KCND3: variants seen among roughly 807,000 people sequenced by gnomAD.
KCND3 encodes the protein potassium voltage-gated channel subfamily D member 3.
A neutral mutation model predicts 51.1 loss-of-function variants in KCND3; 9 were observed. That is an observed-to-expected ratio of 0.18 (90% CI 0.11 to 0.31). The LOEUF is 0.31. Ranked by LOEUF, KCND3 falls within the 10% of genes least tolerant of loss-of-function variation. The probability of loss-of-function intolerance (pLI) is 1.00; values close to 1 mark genes in which losing one functional copy is unlikely to be tolerated. For missense variants in KCND3, 526 were observed against 903.8 expected (o/e 0.58, Z 5.36); for synonymous variants, 349 against 368.0 (o/e 0.95, Z 0.59).
At position 111,851,054 on chromosome 1, in the gene KCND3, T is replaced by C. The variant is rs547090716; in HGVS notation, c.1107-63948A>G. On this transcript the variant is annotated intron_variant, in intron 2 of 7. Coordinates refer to ENST00000302127, the MANE Select transcript of KCND3 (RefSeq NM_001378969.1). ...CTTAGAATCATTCCCACTGACCTAA[T>C]AACCCCCACCCCTGCTACTTTTTAT... Among the ~76,000 whole-genome samples the C allele has an allele frequency of 2.0e-5, 3 of 152,264 alleles. No homozygotes were observed. In the East Asian group the frequency reaches 5.8e-4, roughly 29 times the overall value.
intron 2 of KCND3, among the ~76,000 whole-genome samples, chr1:111,799,956 G>C (rs1046522267): frequency 2.0e-5 from 3 of 152,118 alleles, no homozygotes; most frequent in South Asian, 2.1e-4. Flanking sequence ...CGCCCCGTCC[G>C]GGAGGTGAGG....
intron 2 of KCND3, among the ~76,000 whole-genome samples, chr1:111,831,523 C>A (rs372300814): frequency 2.0e-5 from 3 of 152,162 alleles, no homozygotes; most frequent in African/African-American, 7.2e-5. Flanking sequence ...GAACCATGAG[C>A]CAATTAAGCC....
chr1:111,786,749 G>A (rs1017913250), intron 3 of KCND3, among the ~76,000 whole-genome samples, 195 bp downstream of exon 3: 2 of 152,042 alleles, frequency 1.3e-5, no homozygotes, highest in African/African-American at 4.8e-5. Context: ...ATAATTGAGG[G>A]TTCAGTGCCT....
At chr1:111,897,436 G>A (rs1304434136) in intron 2 of KCND3, among the ~76,000 whole-genome samples, 3 of 152,336 alleles carry the variant, frequency 2.0e-5, no homozygotes, top group East Asian at 3.9e-4. Flanking sequence ...CTTCCTCCTT[G>A]CCGCCTCCGG....
At chr1:111,961,272 G>A (rs925082897) in intron 2 of KCND3, among the ~76,000 whole-genome samples, 1 of 152,242 alleles carries the variant, frequency 6.6e-6, no homozygotes, top group African/African-American at 2.4e-5. Context: ...GCTCTGAGCA[G>A]CTCTGTCACC....
At chr1:111,827,960 G>A (rs770426919) in intron 2 of KCND3, among the ~76,000 whole-genome samples, 11 of 152,280 alleles carry the variant, frequency 7.2e-5, no homozygotes, top group African/African-American at 1.2e-4. Context: ...CACTCTGAGC[G>A]CTGTTCCTGA....
chr1:111,956,313 C>T (rs879644594), intron 2 of KCND3, among the ~76,000 whole-genome samples: 5 of 152,160 alleles, frequency 3.3e-5, no homozygotes, highest in Non-Finnish European at 4.4e-5. Flanking sequence ...AGGGCATCAA[C>T]GTCATCAGTG....
intron 2 of KCND3, among the ~76,000 whole-genome samples, chr1:111,962,041 G>T (rs1461061820): frequency 6.6e-6 from 1 of 152,144 alleles, no homozygotes; most frequent in Non-Finnish European, 1.5e-5. Flanking sequence ...TCTGGCCATT[G>T]CCACCCAAGC....
Position 111,776,016 on chromosome 1 carries a change from C to T in KCND3, c.*61G>A, listed in dbSNP as rs1221178063. The T allele has an allele frequency of 6.4e-7, 1 of 1,558,450 alleles. No homozygotes were observed. Among genetic ancestry groups the T allele is most frequent in the Non-Finnish European group, 8.9e-7 (1 of 1,129,870 alleles). On this transcript the variant is annotated 3_prime_UTR_variant, in exon 8 of 8. Coordinates refer to ENST00000302127, the MANE Select transcript of KCND3 (RefSeq NM_001378969.1). ...GGGAGGGAGTGGTCTCAGTGACCAC[C>T]CACCAACATGCCAGTCCCCTTCATT...
At chr1:111,778,384 A>T in intron 6 of KCND3, 52 bp downstream of exon 6, 1 of 1,533,674 alleles carries the variant, frequency 6.5e-7, no homozygotes, top group African/African-American at 1.4e-5. Context: ...GAATCCACAG[A>T]CTCAGAATTA....
At chr1:111,968,056 T>C (rs1674103287) in intron 2 of KCND3, among the ~76,000 whole-genome samples, 2 of 152,102 alleles carry the variant, frequency 1.3e-5, no homozygotes, top group South Asian at 2.1e-4. Flanking sequence ...TGACCTTACA[T>C]GGAAATATTC....
chr1:111,814,463 T>A (rs905834714), intron 2 of KCND3, among the ~76,000 whole-genome samples: 1 of 152,188 alleles, frequency 6.6e-6, no homozygotes, highest in Non-Finnish European at 1.5e-5. Flanking sequence ...AAGACCTGGG[T>A]GTATCCTGAG....
chr1:111,970,950 C>A (rs1674294558), intron 2 of KCND3, among the ~76,000 whole-genome samples: 1 of 152,172 alleles, frequency 6.6e-6, no homozygotes, highest in Non-Finnish European at 1.5e-5. Flanking sequence ...CTAGAGGGGG[C>A]AGGTCACAGG....
chr1:111,867,410 T>C (rs1477669328), intron 2 of KCND3, among the ~76,000 whole-genome samples: 2 of 152,224 alleles, frequency 1.3e-5, no homozygotes, highest in Non-Finnish European at 2.9e-5. Context: ...TTGATTTCTA[T>C]AATCAACATG....
chr1:111,780,671 A>T lies in KCND3; in HGVS notation c.1371+19T>A. On this transcript the variant is annotated intron_variant, in intron 4 of 7. Coordinates refer to ENST00000302127, the MANE Select transcript of KCND3 (RefSeq NM_001378969.1). The surrounding 1 kb of genome is among the most constrained non-coding windows in gnomAD (Gnocchi z 4.2). The stretch of plus-strand genomic sequence containing the variant: ...TCTACCCCTTTATGTTCCCTAGCCC[A>T]GGTCCTCTAGGCACCTACCGTCAGC... The T allele has an allele frequency of 6.3e-7, 1 of 1,593,744 alleles. No homozygotes were observed. The highest frequency in any genetic ancestry group is 8.6e-7 in the Non-Finnish European group (1 of 1,167,708).
chr1:111,982,734 C>T lies in KCND3; in HGVS notation c.-8G>A. 3 of 1,601,094 alleles carry T rather than the reference C, an allele frequency of 1.9e-6. No individual in the cohort carries two copies. Among genetic ancestry groups the T allele is most frequent in the Non-Finnish European group, 2.5e-6 (3 of 1,178,850 alleles). On this transcript the variant is annotated 5_prime_UTR_variant, in exon 2 of 8. Coordinates refer to ENST00000302127, the MANE Select transcript of KCND3 (RefSeq NM_001378969.1). The surrounding 1 kb of genome is among the most constrained non-coding windows in gnomAD (Gnocchi z 8.5). ...CGCAACTCCGGCCGCCATGGTGACT[C>T]CAGCTCTTGGGCCGGCAGCCGCGCG...
intron 2 of KCND3, among the ~76,000 whole-genome samples, chr1:111,893,449 C>T (rs1416883986): frequency 2.0e-5 from 3 of 151,998 alleles, no homozygotes; most frequent in Non-Finnish European, 2.9e-5. Flanking sequence ...TGGTAGGAGA[C>T]TCGGGACTAT....
chr1:111,776,988 T>C (rs1418623623), intron 7 of KCND3, 38 bp downstream of exon 7: 3 of 1,612,026 alleles, frequency 1.9e-6, no homozygotes, highest in Non-Finnish European at 2.5e-6. Context: ...AATGGGATGA[T>C]TCGAGCCTTT....
rs1664011463 is a variant in KCND3 at position 111,773,888 on chromosome 1, T to A, written c.*2189A>T. 2 of 152,126 alleles carry A rather than the reference T, an allele frequency of 1.3e-5. No individual in the cohort carries two copies. Among genetic ancestry groups the A allele is most frequent in the Admixed American group, 1.3e-4 (2 of 15,280 alleles). 9.4% of individuals were successfully genotyped at this position (152,126 alleles called of 1,614,324 possible). ...TTTAGCTTGGTCTTCTAATGAGATGTGTATATGAAGTGAATTGATTTAAGT... is the reference window on the plus strand; with the variant it reads ...TTTAGCTTGGTCTTCTAATGAGATGAGTATATGAAGTGAATTGATTTAAGT... On this transcript the variant is annotated 3_prime_UTR_variant, in exon 8 of 8. Coordinates refer to ENST00000302127, the MANE Select transcript of KCND3 (RefSeq NM_001378969.1).
Sources: allele counts gnomAD v4.1 joint callset (sites outside exome capture counted in the v4.1 genomes callset), GRCh38; gene constraint gnomAD v4.1.1; non-coding constraint Gnocchi (gnomAD v3.1); transcripts MANE v1.5; gene names NCBI Gene and HGNC (gene_info 2026-07-23, HGNC 2026-07-21).